Variants in DCC observed in about 807,000 individuals in gnomAD.
The protein encoded by DCC is netrin receptor DCC.
In DCC, 58 loss-of-function variants were observed where a neutral mutation model predicts 172.5. That is an observed-to-expected ratio of 0.34 (90% CI 0.27 to 0.42). The LOEUF (loss-of-function observed/expected upper bound fraction) is 0.42. Among genes scored for constraint, DCC ranks in the 10% least tolerant of loss-of-function variants. The pLI, the probability that DCC is intolerant of heterozygous loss-of-function variation, is 1.00. For synonymous variants in DCC, 709 were observed against 644.5 expected (o/e 1.10, Z -1.52); for missense variants, 1,740 against 1,791.0 (o/e 0.97, Z 0.51).
intron 11 of DCC, among the ~76,000 whole-genome samples, chr18:53,210,541 C>T (rs1001375229): frequency 1.3e-5 from 2 of 152,050 alleles, no homozygotes; most frequent in African/African-American, 4.8e-5. Flanking sequence ...AAATATTTAT[C>T]GAATTAATTA....
At chr18:52,566,828 T>TA (rs1001431546) in intron 1 of DCC, among the ~76,000 whole-genome samples, 87 of 152,200 alleles carry the variant, frequency 5.7e-4, no homozygotes, top group African/African-American at 2.0e-3. Flanking sequence ...GGCTTGCCAT[T>TA]AATACGCTGT....
intron 15 of DCC, among the ~76,000 whole-genome samples, chr18:53,341,215 CAG>C (rs1351163256): frequency 6.6e-6 from 1 of 152,132 alleles, no homozygotes; most frequent in African/African-American, 2.4e-5. Context: ...ACTCAACAGA[CAG>C]AGGGAGGGAG....
intron 21 of DCC, among the ~76,000 whole-genome samples, chr18:53,429,218 A>C (rs1357090292): frequency 1.4e-5 from 2 of 147,116 alleles, no homozygotes; most frequent in Admixed American, 1.5e-4. Flanking sequence ...GGTGCTTGCA[A>C]AAAATAATGC....
intron 26 of DCC, among the ~76,000 whole-genome samples, chr18:53,493,366 A>G (rs573294121): frequency 3.3e-5 from 5 of 152,314 alleles, no homozygotes; most frequent in Admixed American, 2.6e-4. Flanking sequence ...ACTATGTTGA[A>G]TAGGAGTAGT....
chr18:52,722,732 C>T (rs2036491938), intron 1 of DCC, among the ~76,000 whole-genome samples: 1 of 151,738 alleles, frequency 6.6e-6, no homozygotes, highest in Admixed American at 6.6e-5. Context: ...GGGTTGGCTG[C>T]TACACACTGA....
chr18:53,317,177 C>G (rs2057353416), intron 13 of DCC, among the ~76,000 whole-genome samples: 1 of 152,102 alleles, frequency 6.6e-6, no homozygotes. Flanking sequence ...TTATCAAAGG[C>G]CTTTTCTGCA....
intron 2 of DCC, among the ~76,000 whole-genome samples, chr18:52,892,807 A>C (rs956975207): frequency 1.3e-5 from 2 of 152,092 alleles, no homozygotes; most frequent in African/African-American, 4.8e-5. Context: ...TTGGTTTTCC[A>C]TTTTCATTGT....
At chr18:52,544,103 T>C (rs1177971660) in intron 1 of DCC, among the ~76,000 whole-genome samples, 1 of 152,222 alleles carries the variant, frequency 6.6e-6, no homozygotes, top group Non-Finnish European at 1.5e-5. Flanking sequence ...GCCCTGTTGT[T>C]CTGAGGGACA....
chr18:53,028,157 C>T (rs1201741855), intron 5 of DCC, among the ~76,000 whole-genome samples: 4 of 152,028 alleles, frequency 2.6e-5, no homozygotes, highest in Admixed American at 6.6e-5. Context: ...TACATGGGCA[C>T]GTTCAACTCA....
At chr18:53,083,895 G>A (rs1214049112) in intron 7 of DCC, among the ~76,000 whole-genome samples, 2 of 152,102 alleles carry the variant, frequency 1.3e-5, no homozygotes, top group Non-Finnish European at 2.9e-5. Context: ...ACATGAATGC[G>A]GTGGATTTTT....
intron 1 of DCC, among the ~76,000 whole-genome samples, chr18:52,724,340 G>A (rs545334082): frequency 2.4e-4 from 36 of 152,052 alleles, no homozygotes; most frequent in African/African-American, 7.7e-4. Context: ...ATAGAGATAA[G>A]GTCTTACTAT....
chr18:52,819,371 G>C lies in DCC; in HGVS notation c.412+66997G>C, dbSNP rs148584105. On this transcript the variant is annotated intron_variant, in intron 2 of 28. Transcript: ENST00000442544. The stretch of plus-strand genomic sequence containing the variant: ...ATTGTGCCTAAAAGTTTTTCTTAAA[G>C]TTTTGTTGTCTACAACTTCCTGACT... Among the ~76,000 whole-genome samples, 437 of 152,246 alleles carry C rather than the reference G, an allele frequency of 2.9e-3. 1 individual carries two copies. Among genetic ancestry groups the C allele is most frequent in the Middle Eastern group, 0.014 (4 of 292 alleles).
intron 27 of DCC, among the ~76,000 whole-genome samples, chr18:53,518,857 C>T (rs563096584): frequency 6.6e-6 from 1 of 152,118 alleles, no homozygotes; most frequent in Non-Finnish European, 1.5e-5. Flanking sequence ...GATCATTTAA[C>T]CTCAGAAACG....
chr18:53,471,432 A>G (rs893136072), intron 25 of DCC, among the ~76,000 whole-genome samples: 18 of 152,182 alleles, frequency 1.2e-4, no homozygotes, highest in African/African-American at 4.3e-4. Flanking sequence ...AATCTTCATT[A>G]GCCTTTGCCT....
chr18:53,354,857 A>G (rs1021303218), intron 15 of DCC, among the ~76,000 whole-genome samples: 1 of 146,798 alleles, frequency 6.8e-6, no homozygotes, highest in Non-Finnish European at 1.5e-5. Context: ...GCCCATGCCT[A>G]TGTCCTGAAT....
intron 5 of DCC, among the ~76,000 whole-genome samples, chr18:53,022,336 G>T (rs1031528046): frequency 6.6e-6 from 1 of 151,836 alleles, no homozygotes; most frequent in Non-Finnish European, 1.5e-5. Flanking sequence ...GAGTTGGGCC[G>T]GTTGTGTTAC....
At chr18:52,539,992 A>G (rs2032393392) in intron 1 of DCC, among the ~76,000 whole-genome samples, 1 of 152,280 alleles carries the variant, frequency 6.6e-6, no homozygotes. Flanking sequence ...TGAAAGCTGT[A>G]TTCATGTTTT....
intron 1 of DCC, among the ~76,000 whole-genome samples, chr18:52,567,144 G>A (rs1286558300): frequency 1.3e-5 from 2 of 152,046 alleles, no homozygotes; most frequent in Non-Finnish European, 2.9e-5. Context: ...ATTTCATAAA[G>A]CTCAACTTAA....
chr18:52,376,505 GTGTA>G (rs915126596), intron 1 of DCC, among the ~76,000 whole-genome samples: 13 of 152,176 alleles, frequency 8.5e-5, no homozygotes, highest in African/African-American at 1.4e-4. Context: ...GTGTGTGTGT[GTGTA>G]TATGTGTGTA....
Sources: gnomAD v4.1 joint callset for allele counts (sites outside exome capture counted in the v4.1 genomes callset) on GRCh38, gnomAD v4.1.1 for gene constraint, MANE v1.5 for transcripts, NCBI Gene and HGNC (gene_info 2026-07-23, HGNC 2026-07-21) for gene names.